Variants in PITPNC1 observed in about 807,000 individuals in gnomAD.
The protein encoded by PITPNC1 is cytoplasmic phosphatidylinositol transfer protein 1.
PITPNC1 carries 18 observed loss-of-function variants against 44.7 expected under a neutral mutation model. That is an observed-to-expected ratio of 0.40 (90% CI 0.28 to 0.60). The LOEUF (loss-of-function observed/expected upper bound fraction) is 0.60. PITPNC1 is among the 20% of genes least tolerant of loss of function. PITPNC1 has a pLI of 0.39. For synonymous variants in PITPNC1, 141 were observed against 149.6 expected, an observed-to-expected ratio of 0.94 and a Z score of 0.42; for missense variants, 290 against 418.4, an observed-to-expected ratio of 0.69 and a Z score of 2.68.
intron 6 of PITPNC1, among the ~76,000 whole-genome samples, chr17:67,640,108 C>T (rs2042076654): frequency 6.6e-6 from 1 of 151,836 alleles, no homozygotes; most frequent in African/African-American, 2.4e-5. Flanking sequence ...CCCTCAAGTC[C>T]ATCTGTTTCT....
intron 5 of PITPNC1, among the ~76,000 whole-genome samples, chr17:67,599,034 A>ATATATATATATTTT (rs1461493250): frequency 2.8e-5 from 1 of 35,676 alleles, no homozygotes; most frequent in African/African-American, 1.1e-4. Context: ...ATATATATAT[A>ATATATATATATTTT]TTTTTTTTTT....
At chr17:67,603,000 C>T (rs930782765) in intron 5 of PITPNC1, among the ~76,000 whole-genome samples, 1 of 152,068 alleles carries the variant, frequency 6.6e-6, no homozygotes, top group African/African-American at 2.4e-5. Context: ...CTCACCCTCC[C>T]GTAGTGCTGG....
At chr17:67,673,881 G>C (rs1015270206) in intron 7 of PITPNC1, among the ~76,000 whole-genome samples, 5 of 144,524 alleles carry the variant, frequency 3.5e-5, no homozygotes, top group African/African-American at 1.3e-4. Flanking sequence ...AACCAGGGAA[G>C]CGGAGGTTAC....
chr17:67,378,209 G>GC lies in PITPNC1; in HGVS notation c.48+9dup. On this transcript the variant is annotated splice_region_variant and intron_variant, in intron 1 of 8. Transcript: ENST00000581322. ...GCCGCTCACCGTAGACGAGGTAAGCGCCGCGCCCGGCCCGGCCTCGCCCGC... is the reference window on the plus strand; with the variant it reads ...GCCGCTCACCGTAGACGAGGTAAGCGCCCGCGCCCGGCCCGGCCTCGCCCGC... The GC allele has an allele frequency of 6.6e-7, 1 of 1,521,942 alleles. No individual in the cohort carries two copies. Among genetic ancestry groups the GC allele is most frequent in the South Asian group, 1.2e-5 (1 of 81,520 alleles). 94.3% of individuals were successfully genotyped at this position (1,521,942 alleles called of 1,614,324 possible). A position where few individuals can be genotyped will look rare whatever the true frequency, so the allele number is the denominator to read the frequency against.
intron 1 of PITPNC1, among the ~76,000 whole-genome samples, chr17:67,471,818 T>C (rs1421312231): frequency 6.6e-6 from 1 of 152,080 alleles, no homozygotes; most frequent in Non-Finnish European, 1.5e-5. Flanking sequence ...CCGACTTTCT[T>C]CAGATTTCAC....
At chr17:67,579,625 T>TTC (rs1555669946) in intron 5 of PITPNC1, among the ~76,000 whole-genome samples, 6 of 136,980 alleles carry the variant, frequency 4.4e-5, no homozygotes, top group East Asian at 4.2e-4. Context: ...TTTTTTTTTT[T>TTC]TTTTTTTTTT....
intron 1 of PITPNC1, among the ~76,000 whole-genome samples, chr17:67,485,701 G>C (rs1022392936): frequency 6.6e-6 from 1 of 152,084 alleles, no homozygotes; most frequent in Non-Finnish European, 1.5e-5. Flanking sequence ...TAGTCTGTAA[G>C]ATCAGGAGTT....
chr17:67,448,861 G>A (rs935183304), intron 1 of PITPNC1, among the ~76,000 whole-genome samples: 2 of 152,164 alleles, frequency 1.3e-5, no homozygotes, highest in Non-Finnish European at 2.9e-5. Flanking sequence ...CCGCCTCCCG[G>A]GTTCAAGTGG....
rs371204422 is a variant in PITPNC1 at position 67,694,520 on chromosome 17, A to G, written c.*1632A>G. The G allele has an allele frequency of 1.3e-5, 2 of 152,334 alleles. No individual in the cohort carries two copies. The highest frequency in any genetic ancestry group is 3.9e-4 in the East Asian group (2 of 5,186). The allele number at this position is 152,334 out of a possible 1,614,324, so 9.4% of individuals were successfully genotyped here. A position where few individuals can be genotyped will look rare whatever the true frequency, so the allele number is the denominator to read the frequency against. On this transcript the variant is annotated 3_prime_UTR_variant, in exon 9 of 9. Transcript: ENST00000581322. ...TCTTTCAGGTTGATACACTCTCCCA[A>G]GGTGCAGGCGCTGGCCCCATGAGCC...
intron 1 of PITPNC1, among the ~76,000 whole-genome samples, chr17:67,510,327 C>T (rs1428025261): frequency 6.6e-6 from 1 of 152,176 alleles, no homozygotes; most frequent in African/African-American, 2.4e-5. Flanking sequence ...ACCATGTGGC[C>T]CACTTTCAGG....
At chr17:67,490,303 G>T (rs1030460232) in intron 1 of PITPNC1, among the ~76,000 whole-genome samples, 3 of 152,044 alleles carry the variant, frequency 2.0e-5, no homozygotes, top group Non-Finnish European at 4.4e-5. Flanking sequence ...CAGGGATAAT[G>T]AATTATTTAA....
At chr17:67,500,661 ATT>A (rs11295455) in intron 1 of PITPNC1, among the ~76,000 whole-genome samples, 13,110 of 146,834 alleles carry the variant, frequency 0.089, 553 homozygotes, top group South Asian at 0.14. Flanking sequence ...TTTTTTTAAG[ATT>A]TTTTTTTTTT....
chr17:67,510,679 A>G (rs1458648301), intron 1 of PITPNC1, among the ~76,000 whole-genome samples: 1 of 152,046 alleles, frequency 6.6e-6, no homozygotes, highest in Non-Finnish European at 1.5e-5. Flanking sequence ...GCTCACTGCA[A>G]TCTCTGCCTC....
chr17:67,476,183 C>CTTTT (rs1460524560), intron 1 of PITPNC1, among the ~76,000 whole-genome samples: 2 of 130,946 alleles, frequency 1.5e-5, no homozygotes, highest in South Asian at 2.4e-4. Context: ...AAATTTCTTT[C>CTTTT]TTTTCTTTTT....
At chr17:67,558,275 C>T (rs1451299773) in intron 4 of PITPNC1, among the ~76,000 whole-genome samples, 1 of 151,810 alleles carries the variant, frequency 6.6e-6, no homozygotes, top group East Asian at 1.9e-4. Flanking sequence ...ACATCTTTAG[C>T]TTGCTTATGG....
At chr17:67,661,562 C>T (rs1017366222) in intron 6 of PITPNC1, among the ~76,000 whole-genome samples, 1 of 152,174 alleles carries the variant, frequency 6.6e-6, no homozygotes, top group African/African-American at 2.4e-5. Context: ...TGCGTCTGTT[C>T]TGAGTGGAGG....
chr17:67,582,050 A>G (rs906805511), intron 5 of PITPNC1, among the ~76,000 whole-genome samples: 3 of 152,180 alleles, frequency 2.0e-5, no homozygotes, highest in African/African-American at 7.2e-5. Flanking sequence ...AAAGAAAAGA[A>G]AAGAAAAGGA....
At chr17:67,546,373 A>G (rs2144153681) in intron 2 of PITPNC1, among the ~76,000 whole-genome samples, 1 of 151,850 alleles carries the variant, frequency 6.6e-6, no homozygotes, top group African/African-American at 2.4e-5. Flanking sequence ...CTTCCTTCCA[A>G]CCTTTCAGTC....
chr17:67,397,182 T>A (rs2038232625), intron 1 of PITPNC1, among the ~76,000 whole-genome samples: 3 of 152,006 alleles, frequency 2.0e-5, no homozygotes, highest in Non-Finnish European at 4.4e-5. Flanking sequence ...GGTTTCTCCA[T>A]GTTGGCCAGG....
Sources: allele counts gnomAD v4.1 joint callset (sites outside exome capture counted in the v4.1 genomes callset), GRCh38; gene constraint gnomAD v4.1.1; transcripts MANE v1.5; gene names NCBI Gene and HGNC (gene_info 2026-07-23, HGNC 2026-07-21).